Variants in SPATA17 observed in about 807,000 individuals in gnomAD.
SPATA17 encodes the protein spermatogenesis-associated protein 17.
In SPATA17, 53 loss-of-function variants were observed where a neutral mutation model predicts 62.2. That is an observed-to-expected ratio of 0.85 (90% CI 0.68 to 1.07). SPATA17 has a LOEUF of 1.07. Among genes scored for constraint, SPATA17 ranks in the 50% least tolerant of loss-of-function variants. The pLI is 0.00. For missense variants in SPATA17, 466 were observed against 425.5 expected (o/e 1.10, Z -0.84); for synonymous variants, 146 against 146.8 (o/e 0.99, Z 0.04).
At chr1:217,836,235 A>C (rs1675256106) in intron 9 of SPATA17, among the ~76,000 whole-genome samples, 1 of 152,162 alleles carries the variant, frequency 6.6e-6, no homozygotes, top group Non-Finnish European at 1.5e-5. Flanking sequence ...AACTTTTTTC[A>C]CCAAACAGCA....
chr1:217,757,708 G>A (rs1673082921), intron 6 of SPATA17, among the ~76,000 whole-genome samples: 1 of 152,150 alleles, frequency 6.6e-6, no homozygotes, highest in African/African-American at 2.4e-5. Flanking sequence ...AGAGCTACTT[G>A]AGGGAGAAGG....
intron 9 of SPATA17, among the ~76,000 whole-genome samples, chr1:217,843,442 C>T (rs1009998079): frequency 1.3e-4 from 20 of 151,850 alleles, no homozygotes; most frequent in African/African-American, 4.8e-4. Context: ...GAGCAAGAAC[C>T]CCCATCTCTA....
At chr1:217,853,600 A>G (rs1345095779) in intron 9 of SPATA17, among the ~76,000 whole-genome samples, 1 of 152,142 alleles carries the variant, frequency 6.6e-6, no homozygotes, top group African/African-American at 2.4e-5. Context: ...TGCAGTAGTT[A>G]TGTTCTATAA....
At chr1:217,856,755 A>G (rs1675795180) in intron 9 of SPATA17, among the ~76,000 whole-genome samples, 1 of 152,212 alleles carries the variant, frequency 6.6e-6, no homozygotes, top group Non-Finnish European at 1.5e-5. Context: ...AAGTCCTACA[A>G]CTGTAACAGT....
At chr1:217,654,295 G>A (rs770936572) in intron 3 of SPATA17, among the ~76,000 whole-genome samples, 24 of 151,730 alleles carry the variant, frequency 1.6e-4, no homozygotes, top group Non-Finnish European at 2.9e-4. Context: ...CTGCCATCAC[G>A]CCCGGCTAAT....
intron 5 of SPATA17, among the ~76,000 whole-genome samples, chr1:217,702,077 A>T (rs1671611982): frequency 6.6e-6 from 1 of 151,660 alleles, no homozygotes; most frequent in African/African-American, 2.4e-5. Context: ...TATTTTGACT[A>T]CTATTTATAC....
chr1:217,647,496 A>G (rs1320216766), intron 1 of SPATA17, among the ~76,000 whole-genome samples: 2 of 152,186 alleles, frequency 1.3e-5, no homozygotes, highest in African/African-American at 2.4e-5. Context: ...AGATAAGACT[A>G]CTTCCTTCGA....
At chr1:217,724,782 C>T (rs766268393) in intron 5 of SPATA17, among the ~76,000 whole-genome samples, 1 of 151,354 alleles carries the variant, frequency 6.6e-6, no homozygotes, top group Non-Finnish European at 1.5e-5. Flanking sequence ...CTTTAGTAGC[C>T]ATTTGTATTC....
intron 6 of SPATA17, among the ~76,000 whole-genome samples, chr1:217,745,114 C>G (rs1281562699): frequency 1.3e-5 from 2 of 152,122 alleles, no homozygotes; most frequent in African/African-American, 4.8e-5. Flanking sequence ...TCCCCCACCT[C>G]CATTTGACAC....
intron 5 of SPATA17, among the ~76,000 whole-genome samples, chr1:217,734,796 T>C (rs1672476070): frequency 6.6e-6 from 1 of 152,186 alleles, no homozygotes; most frequent in African/African-American, 2.4e-5. Flanking sequence ...GAAGTACATA[T>C]TGTGTCTTCT....
intron 9 of SPATA17, among the ~76,000 whole-genome samples, chr1:217,810,077 A>G (rs1674548660): frequency 6.6e-6 from 1 of 152,174 alleles, no homozygotes; most frequent in African/African-American, 2.4e-5. Context: ...CTTCTTGTGC[A>G]AAATGTGTTT....
rs970207689 is a variant in SPATA17 at position 217,773,069 on chromosome 1, T to C, written c.520-1265T>C. Among the ~76,000 whole-genome samples the C allele has an allele frequency of 9.2e-5, 14 of 152,204 alleles. No individual in the cohort carries two copies. The East Asian group carries it at 2.7e-3, about 29-fold the overall frequency. On this transcript the variant is annotated intron_variant, in intron 6 of 10. Transcript: ENST00000366933. The stretch of plus-strand genomic sequence containing the variant: ...TTGGGATAGGACGTTGCATTTGGAA[T>C]AGGATATTGCATTTGGGATAGGACG...
chr1:217,631,345 G>A lies in SPATA17; in HGVS notation c.-34G>A, dbSNP rs146265748. On this transcript the variant is annotated 5_prime_UTR_variant, in exon 1 of 11. Transcript: ENST00000366933. ...AGCCCAGTTACCATGGAGACCGGTA[G>A]TAACACCAGTTGTAAACCCAAGGCC... 5.6e-6 allele frequency: 9 copies of A among 1,613,246 alleles called. No individual in the cohort carries two copies. The African/African-American group carries it at 1.1e-4, about 19-fold the overall frequency.
intron 5 of SPATA17, among the ~76,000 whole-genome samples, chr1:217,710,813 TTTATTAG>T (rs76767985): frequency 0.19 from 28,985 of 151,840 alleles, 3,042 homozygotes; most frequent in African/African-American, 0.29. Flanking sequence ...CCCTATACCC[TTTATTAG>T]TCATCCCCAT....
At chr1:217,636,458 G>A (rs1669945449) in intron 1 of SPATA17, among the ~76,000 whole-genome samples, 1 of 152,028 alleles carries the variant, frequency 6.6e-6, no homozygotes, top group African/African-American at 2.4e-5. Context: ...CTGTTGCCCA[G>A]GCTGGAGTGC....
chr1:217,683,391 GA>G (rs769867541), intron 5 of SPATA17, 30 bp downstream of exon 5: 32 of 1,376,934 alleles, frequency 2.3e-5, no homozygotes, highest in Admixed American at 3.5e-5. Context: ...ATTCACTAGG[GA>G]AAACTTTGGA....
rs186215459 is a variant in SPATA17 at position 217,776,424 on chromosome 1, C to T, written c.723+1887C>T. Among the ~76,000 whole-genome samples the T allele has an allele frequency of 9.4e-3, 1,427 of 152,230 alleles. 27 individuals are homozygous for T. The highest frequency in any genetic ancestry group is 0.032 in the African/African-American group (1,342 of 41,534). On this transcript the variant is annotated intron_variant, in intron 7 of 10. Transcript: ENST00000366933. Reference sequence around the variant, plus strand: ...TATATTGCTGTATAATAAATTACTCCAAAATCTAATGGGTTAAACCAACAT... The same window carrying T: ...TATATTGCTGTATAATAAATTACTCTAAAATCTAATGGGTTAAACCAACAT...
intron 4 of SPATA17, among the ~76,000 whole-genome samples, chr1:217,674,720 T>C (rs554710197): frequency 6.6e-6 from 1 of 152,306 alleles, no homozygotes; most frequent in South Asian, 2.1e-4. Context: ...GATGGTGAAG[T>C]GTTAACAGCT....
At chr1:217,847,991 G>C (rs1675566191) in intron 9 of SPATA17, among the ~76,000 whole-genome samples, 1 of 151,938 alleles carries the variant, frequency 6.6e-6, no homozygotes, top group African/African-American at 2.4e-5. Context: ...TTGATCGATG[G>C]TACTACTGCT....
Sources: allele counts gnomAD v4.1 joint callset (sites outside exome capture counted in the v4.1 genomes callset), GRCh38; gene constraint gnomAD v4.1.1; transcripts MANE v1.5; gene names NCBI Gene and HGNC (gene_info 2026-07-23, HGNC 2026-07-21).